SRP54: variants seen among roughly 807,000 people sequenced by gnomAD.
The protein encoded by SRP54 is signal recognition particle 54, also known as signal recognition particle subunit SRP54.
SRP54 carries 10 observed loss-of-function variants against 64.8 expected under a neutral mutation model. The ratio of observed to expected loss-of-function variants is 0.15; its 90% CI spans 0.10 to 0.26. The LOEUF is 0.26. Among genes scored for constraint, SRP54 ranks in the 10% least tolerant of loss-of-function variants. The pLI is 1.00. For synonymous variants in SRP54, 193 were observed against 185.6 expected (o/e 1.04, Z -0.32); for missense variants, 325 against 613.7 (o/e 0.53, Z 4.97).
At chr14:35,012,763 T>C (rs984522445) in intron 8 of SRP54, among the ~76,000 whole-genome samples, 10 of 152,166 alleles carry the variant, frequency 6.6e-5, no homozygotes, top group Non-Finnish European at 1.0e-4. Flanking sequence ...TTCGTTGTTA[T>C]ACATCTGAAA....
At chr14:35,017,883 G>T (rs1434304532) in intron 11 of SRP54, among the ~76,000 whole-genome samples, 1 of 152,140 alleles carries the variant, frequency 6.6e-6, no homozygotes, top group Non-Finnish European at 1.5e-5. Context: ...TGCTTTAGGA[G>T]GCCAAGGTGG....
rs1231248796 is a variant in SRP54 at position 34,990,691 on chromosome 14, A to AT, written c.-33-5985dup. Among the ~76,000 whole-genome samples, 4 of 152,358 alleles carry AT rather than the reference A, an allele frequency of 2.6e-5. No individual in the cohort carries two copies. The East Asian group carries it at 7.7e-4, about 29-fold the overall frequency. On this transcript the variant is annotated intron_variant, in intron 1 of 15. Coordinates refer to ENST00000216774, the MANE Select transcript of SRP54 (RefSeq NM_003136.4). Reference sequence around the variant, plus strand: ...CTGAGATTTAGGCTTAGCTATTAACATACAAAAGGTATTTTTCACTTTAGT... The same window carrying AT: ...CTGAGATTTAGGCTTAGCTATTAACATTACAAAAGGTATTTTTCACTTTAGT...
intron 1 of SRP54, among the ~76,000 whole-genome samples, chr14:34,994,563 A>G (rs1335715064): frequency 2.0e-5 from 3 of 152,084 alleles, no homozygotes; most frequent in Non-Finnish European, 4.4e-5. Flanking sequence ...TCCCCTAAAT[A>G]ATGCTCAGTG....
At chr14:35,009,639 T>G (rs1047422472) in intron 7 of SRP54, among the ~76,000 whole-genome samples, 4 of 152,290 alleles carry the variant, frequency 2.6e-5, no homozygotes, top group Middle Eastern at 3.4e-3. Context: ...TCATACCATT[T>G]GTTCCAAATT....
intron 8 of SRP54, among the ~76,000 whole-genome samples, chr14:35,012,966 GGAGTTT>G (rs1250779372): frequency 3.8e-5 from 4 of 106,112 alleles, no homozygotes; most frequent in African/African-American, 1.4e-4. Flanking sequence ...TTTTTGAGAT[GGAGTTT>G]CACTCTTGTC....
chr14:34,988,476 C>T (rs2043930277), intron 1 of SRP54, among the ~76,000 whole-genome samples: 1 of 144,070 alleles, frequency 6.9e-6, no homozygotes, highest in Non-Finnish European at 1.5e-5. Flanking sequence ...GCAGGAGAAT[C>T]TCTTGAACCC....
chr14:35,029,313 CT>C lies in SRP54; in HGVS notation c.*163del, dbSNP rs1338647830. 1 of 506,288 alleles carries C rather than the reference CT, an allele frequency of 2.0e-6. No homozygotes were observed. The highest frequency in any genetic ancestry group is 3.8e-5 in the Admixed American group (1 of 26,328). 31.4% of individuals were successfully genotyped at this position (506,288 alleles called of 1,614,324 possible). On this transcript the variant is annotated 3_prime_UTR_variant, in exon 16 of 16. Transcript: ENST00000216774. ...CGCTTTTCCCCTCCTTTTCTTTTTC[CT>C]TCCTTCTTTCCTCCCTTTAATATAA...
chr14:34,998,389 A>G (rs1385766525), intron 2 of SRP54, among the ~76,000 whole-genome samples: 1 of 152,112 alleles, frequency 6.6e-6, no homozygotes, highest in Non-Finnish European at 1.5e-5. Context: ...CAACAAACAT[A>G]TGATGATAAT....
chr14:35,022,935 A>G lies in SRP54; in HGVS notation c.1182A>G (p.Lys394=), dbSNP rs750133896. ...AACTAGACAGTACGGATGGTGCCAA[A>G]GTTTTTAGTAAACAACCAGGAAGAA... is the stretch of plus-strand genomic sequence containing the variant. ...DQELDSTDGA[K]VFSKQPGRIQ... is the part of the protein sequence containing the mutation. Residue 394 remains lysine (K), a synonymous_variant, in exon 14 of 16, where the codon AAA becomes AAG. Transcript: ENST00000216774. 2.5e-6 allele frequency: 4 copies of G among 1,613,918 alleles called. No homozygotes were observed. Among genetic ancestry groups the G allele is most frequent in the East Asian group, 4.5e-5 (2 of 44,832 alleles).
At chr14:35,004,493 A>G (rs969312175) in intron 4 of SRP54, 1 of 152,228 alleles carries the variant, frequency 6.6e-6, no homozygotes, top group Non-Finnish European at 1.5e-5. Context: ...AAAATGCAAG[A>G]TGGAATCACA....
intron 1 of SRP54, among the ~76,000 whole-genome samples, chr14:34,991,109 C>CTTTTTT (rs71435838): frequency 2.2e-3 from 249 of 110,766 alleles, no homozygotes; most frequent in Non-Finnish European, 3.1e-3. Context: ...AATTTCTTTT[C>CTTTTTT]TTTTTTTTTT....
At chr14:35,004,830 G>A (rs2044231691) in intron 4 of SRP54, among the ~76,000 whole-genome samples, 1 of 152,174 alleles carries the variant, frequency 6.6e-6, no homozygotes, top group Non-Finnish European at 1.5e-5. Flanking sequence ...TATTTCAAAA[G>A]TTTGCCTAAG....
chr14:35,022,078 G>A lies in SRP54; in HGVS notation c.1157-832G>A, dbSNP rs1054280351. 2.0e-5 allele frequency among the ~76,000 whole-genome samples: 3 copies of A among 152,034 alleles called. No individual in the cohort carries two copies. The East Asian group carries it at 5.8e-4, about 29-fold the overall frequency. On this transcript the variant is annotated intron_variant, in intron 13 of 15. Transcript: ENST00000216774. The stretch of plus-strand genomic sequence containing the variant: ...TTTTTCTGTTGATTATGGATAGAAC[G>A]TACCTCTTTCTGCTTGCTTATATAG...
At chr14:35,023,652 G>A (rs1459205270) in intron 14 of SRP54, among the ~76,000 whole-genome samples, 1 of 151,674 alleles carries the variant, frequency 6.6e-6, no homozygotes, top group Admixed American at 6.6e-5. Context: ...GGTGTCGTGG[G>A]GTGTACCTGT....
rs1395420256 is a variant in SRP54 at position 34,983,027 on chromosome 14, TC to T, written c.-220del. The T allele has an allele frequency of 6.6e-6, 1 of 152,374 alleles. No homozygotes were observed. The highest frequency in any genetic ancestry group is 1.5e-5 in the Non-Finnish European group (1 of 68,182). The allele number at this position is 152,374 out of a possible 1,614,324, so 9.4% of individuals were successfully genotyped here. ...AGGTTCGCTGGCACTCCGTTGGTCT[TC>T]CAGCTGGTGGGAGTTGACGACGTGG... On this transcript the variant is annotated 5_prime_UTR_variant, in exon 1 of 16. Transcript: ENST00000216774.
intron 1 of SRP54, among the ~76,000 whole-genome samples, chr14:34,995,763 CT>C (rs1271036110): frequency 6.6e-6 from 1 of 152,088 alleles, no homozygotes; most frequent in South Asian, 2.1e-4. Context: ...TCATCAAGGG[CT>C]TTTTCTAATA....
intron 1 of SRP54, among the ~76,000 whole-genome samples, chr14:34,996,455 T>A (rs563316854): frequency 6.6e-6 from 1 of 152,344 alleles, no homozygotes; most frequent in Admixed American, 6.5e-5. Context: ...AATTTGCTGA[T>A]TCATATACAA....
rs2044011974 is a variant in SRP54, at chr14:34,993,326, G to A, written c.-33-3351G>A. On this transcript the variant is annotated intron_variant, in intron 1 of 15. Transcript: ENST00000216774. ...CTTAAATGAAGAATATTAATTTAAG[G>A]ATCAATAATTATTTTGTATAATGGG... is the stretch of plus-strand genomic sequence containing the variant. 2.0e-5 allele frequency: 3 copies of A among 152,190 alleles called. No individual in the cohort carries two copies. The South Asian group carries it at 6.2e-4, about 32-fold the overall frequency. The allele number at this position is 152,190 out of a possible 1,614,324, so 9.4% of individuals were successfully genotyped here. A position where few individuals can be genotyped will look rare whatever the true frequency, so the allele number is the denominator to read the frequency against.
intron 14 of SRP54, among the ~76,000 whole-genome samples, chr14:35,024,978 G>A (rs964928347): frequency 6.6e-5 from 10 of 151,982 alleles, no homozygotes; most frequent in Admixed American, 2.0e-4. Context: ...TGATTCGCCC[G>A]CCTTAGCTTC....
Sources: allele counts gnomAD v4.1 joint callset (sites outside exome capture counted in the v4.1 genomes callset), GRCh38; gene constraint gnomAD v4.1.1; transcripts MANE v1.5; gene names NCBI Gene and HGNC (gene_info 2026-07-23, HGNC 2026-07-21).